CAPN10: variants seen among roughly 807,000 people sequenced by gnomAD.
The protein encoded by CAPN10 is calpain 10.
In CAPN10, 71 loss-of-function variants were observed where a neutral mutation model predicts 78.4. The observed-to-expected ratio is 0.91, with a 90% confidence interval of 0.75 to 1.10. CAPN10 has a LOEUF of 1.10. Ranked by LOEUF, CAPN10 falls within the 50% of genes least tolerant of loss-of-function variation. The pLI is 0.00. For synonymous variants in CAPN10, 437 were observed against 407.2 expected (o/e 1.07, Z -0.88); for missense variants, 849 against 924.6 (o/e 0.92, Z 1.06).
intron 1 of CAPN10, 136 bp downstream of exon 1, chr2:240,587,188 C>T: frequency 2.4e-6 from 1 of 425,200 alleles, no homozygotes; most frequent in Non-Finnish European, 4.1e-6. Flanking sequence ...GAAGTGGGCG[C>T]CCGGCCCCCT....
At chr2:240,593,295 A>G (rs1575448677) in intron 4 of CAPN10, among the ~76,000 whole-genome samples, 1 of 152,354 alleles carries the variant, frequency 6.6e-6, no homozygotes, top group East Asian at 1.9e-4. Context: ...TGAGGTGGCA[A>G]GGGGCCGCGG....
In CAPN10 at chr2:240,596,881, T is replaced by C. The variant is rs368540468; in HGVS notation, c.1682T>C (p.Leu561Pro). The C allele has an allele frequency of 9.9e-6, 16 of 1,613,638 alleles. No individual in the cohort carries two copies. The highest frequency in any genetic ancestry group is 1.7e-5 in the Admixed American group (1 of 60,024). ...GPGPRCVRIT[L>P]HQHCRPSDTE... ...GGCCCCCGCTGCGTCCGCATCACTC[T>C]GCATCAGCACTGCCGGCCCAGTGAC... The change falls in exon 9 of 12, where the codon CTG (leucine) becomes CCG (proline). Residue 561 changes from leucine to proline, a missense_variant. Leu to Pro is a moderately conservative substitution (Grantham distance 98). Coordinates refer to ENST00000391984, the MANE Select transcript of CAPN10 (RefSeq NM_023083.4).
rs2093071739 is a variant in CAPN10, at chr2:240,586,944, G to A, written c.33G>A (p.Arg11=). Reference sequence around the variant, plus strand: ...CGGGCCGGGGCGCGACGCCGGCGAGGGAGCTGTTCCGGGACGCCGCCTTCC... The same window carrying A: ...CGGGCCGGGGCGCGACGCCGGCGAGAGAGCTGTTCCGGGACGCCGCCTTCC... The part of the protein sequence containing the change: MRAGRGATPA[R]ELFRDAAFPA... The change falls in exon 1 of 12, where the codon AGG becomes AGA. Residue 11 remains arginine (R), a synonymous_variant. Coordinates refer to ENST00000391984, the MANE Select transcript of CAPN10 (RefSeq NM_023083.4). 2 of 1,462,524 alleles carry A rather than the reference G, an allele frequency of 1.4e-6. No homozygotes were observed. Among genetic ancestry groups the A allele is most frequent in the African/African-American group, 1.5e-5 (1 of 67,854 alleles). 90.6% of individuals were successfully genotyped at this position (1,462,524 alleles called of 1,614,324 possible).
Position 240,592,070 on chromosome 2 carries a change from G to A in CAPN10, c.608G>A (p.Trp203Ter). The part of the protein sequence containing the change: ...SGGQQDRPGR[W>*]EHRTCRQLLH... ...GGCCAGCAGGACAGGCCAGGCCGCT[G>A]GGAGCACAGGACTTGTCGGCAGCTG... The change falls in exon 4 of 12, where the codon TGG becomes TAG. Residue 203 changes from tryptophan to a stop codon, truncating the protein, a stop_gained. Transcript: ENST00000391984. LOFTEE classifies it high-confidence loss of function. 1 of 1,606,676 alleles carries A rather than the reference G, an allele frequency of 6.2e-7. No individual in the cohort carries two copies. The highest frequency in any genetic ancestry group is 1.7e-5 in the Admixed American group (1 of 58,384).
intron 3 of CAPN10, chr2:240,591,417 C>T (rs2093101283): frequency 4.4e-6 from 1 of 226,964 alleles, no homozygotes; most frequent in African/African-American, 2.3e-5. Flanking sequence ...TATCACGGTG[C>T]TTGCTGGCTC....
At chr2:240,588,366 G>A (rs529401969) in intron 1 of CAPN10, among the ~76,000 whole-genome samples, 9 of 152,152 alleles carry the variant, frequency 5.9e-5, no homozygotes, top group Non-Finnish European at 1.2e-4. Flanking sequence ...GAAGAAGGGG[G>A]CCTTGGGGCT....
intron 2 of CAPN10, 159 bp from the exon 3 acceptor site, chr2:240,590,656 G>A (rs538397065): frequency 1.0e-3 from 607 of 601,710 alleles, no homozygotes; most frequent in Non-Finnish European, 1.6e-3. Context: ...CAGGTGTGCC[G>A]TAGAGTTCTC....
At chr2:240,597,467 C>A (rs1295320733) in intron 9 of CAPN10, among the ~76,000 whole-genome samples, 1 of 152,194 alleles carries the variant, frequency 6.6e-6, no homozygotes, top group Non-Finnish European at 1.5e-5. Context: ...AGACATGTGT[C>A]CCCTGGAATG....
At chr2:240,597,010 C>G (rs2093141384) in intron 9 of CAPN10, 68 bp downstream of exon 9, 1 of 1,589,660 alleles carries the variant, frequency 6.3e-7, no homozygotes, top group African/African-American at 1.3e-5. Context: ...ATCTTGGCCT[C>G]CATTGTCCCA....
chr2:240,589,550 G>A, intron 2 of CAPN10, 76 bp downstream of exon 2: 3 of 1,521,856 alleles, frequency 2.0e-6, no homozygotes, highest in Non-Finnish European at 1.8e-6. Flanking sequence ...AGTACCAGGA[G>A]GCCTTGCGAA....
rs1282874219 is a variant in CAPN10, at chr2:240,592,758, C to T, written c.688+608C>T. The T allele has an allele frequency of 1.4e-5, 4 of 276,198 alleles. No homozygotes were observed. In the East Asian group the frequency reaches 4.2e-4, roughly 29 times the overall value. 17.1% of individuals were successfully genotyped at this position (276,198 alleles called of 1,614,324 possible). A position where few individuals can be genotyped will look rare whatever the true frequency, so the allele number is the denominator to read the frequency against. ...ACGTGTTCCCTTCCGCACCGCTTCTCACACTGCCACACACGCGCTGTCAAA... is the reference window on the plus strand; with the variant it reads ...ACGTGTTCCCTTCCGCACCGCTTCTTACACTGCCACACACGCGCTGTCAAA... On this transcript the variant is annotated intron_variant, in intron 4 of 11. Transcript: ENST00000391984.
At chr2:240,594,129 T>C in intron 5 of CAPN10, 82 bp downstream of exon 5, 1 of 1,398,026 alleles carries the variant, frequency 7.2e-7, no homozygotes, top group Non-Finnish European at 9.6e-7. Context: ...CACCTTCAGC[T>C]GTCAGGACTG....
At chr2:240,594,885 G>A (rs986491303) in intron 6 of CAPN10, 139 bp from the exon 7 acceptor site, 23 of 1,112,438 alleles carry the variant, frequency 2.1e-5, no homozygotes, top group Non-Finnish European at 3.0e-5. Flanking sequence ...GCTGGGAGGA[G>A]GGTGGGCTTG....
At chr2:240,591,825 G>A (rs1470056402) in intron 3 of CAPN10, 108 bp from the exon 4 acceptor site, 1 of 902,744 alleles carries the variant, frequency 1.1e-6, no homozygotes, top group Non-Finnish European at 1.7e-6. Flanking sequence ...TAAAGAGGTG[G>A]GATTGAGGCA....
intron 4 of CAPN10, 109 bp from the exon 5 acceptor site, chr2:240,593,797 G>C (rs1209519040): frequency 1.5e-6 from 2 of 1,323,012 alleles, no homozygotes; most frequent in African/African-American, 1.5e-5. Context: ...TAGCCATAGT[G>C]GGGTGGGCTG....
intron 4 of CAPN10, among the ~76,000 whole-genome samples, chr2:240,593,047 A>C (rs2125461097): frequency 6.6e-6 from 1 of 152,320 alleles, no homozygotes; most frequent in Admixed American, 6.5e-5. Context: ...AGGTTCAGAG[A>C]GCCTGGAGGG....
At position 240,590,891 on chromosome 2, in the gene CAPN10, G is replaced by T; in HGVS notation, c.350G>T (p.Gly117Val). ...GSFTCRIWQF[G>V]RWVEVTTDDR... ...TTCACCTGTCGCATTTGGCAGTTTG[G>T]ACGCTGGGTGGAGGTGACCACAGAT... Residue 117 changes from glycine (G) to valine (V), a missense_variant, in exon 3 of 12, where the codon GGA becomes GTA. By Grantham distance (109) the Gly-to-Val change is moderately radical. Transcript: ENST00000391984. 1 of 1,614,228 alleles carries T rather than the reference G, an allele frequency of 6.2e-7. No homozygotes were observed. The highest frequency in any genetic ancestry group is 8.5e-7 in the Non-Finnish European group (1 of 1,180,052).
At chr2:240,589,202 C>A in intron 1 of CAPN10, 141 bp from the exon 2 acceptor site, 2 of 1,102,078 alleles carry the variant, frequency 1.8e-6, no homozygotes, top group Non-Finnish European at 2.7e-6. Context: ...CTGCAGGAAA[C>A]CACCTTCCTG....
In CAPN10 at chr2:240,586,822, GGGCC is replaced by G; in HGVS notation, c.-87_-84del. On this transcript the variant is annotated 5_prime_UTR_variant, in exon 1 of 12. Transcript: ENST00000391984. ...GGGCCGGGCGGGGAACGGGCGGGGC[GGGCC>G]GGAGGCGGCGGCGGCTGACTCGCCT... 1 of 1,236,858 alleles carries G rather than the reference GGGCC, an allele frequency of 8.1e-7. No individual in the cohort carries two copies. The highest frequency in any genetic ancestry group is 1.0e-6 in the Non-Finnish European group (1 of 971,486). 76.6% of individuals were successfully genotyped at this position (1,236,858 alleles called of 1,614,324 possible).
Sources: allele counts gnomAD v4.1 joint callset (sites outside exome capture counted in the v4.1 genomes callset), GRCh38; gene constraint gnomAD v4.1.1; transcripts MANE v1.5; gene names NCBI Gene and HGNC (gene_info 2026-07-23, HGNC 2026-07-21).